Variants in ANKRD44 observed in about 807,000 individuals in gnomAD.
ANKRD44 encodes the protein ankyrin repeat domain 44.
In ANKRD44, 35 loss-of-function variants were observed where a neutral mutation model predicts 116.0. That is an observed-to-expected ratio of 0.30 (90% CI 0.23 to 0.40). The LOEUF is 0.40. ANKRD44 is among the 10% of genes least tolerant of loss of function. The probability of loss-of-function intolerance (pLI) is 1.00; values close to 1 mark genes in which losing one functional copy is unlikely to be tolerated. For missense variants in ANKRD44, 1,014 were observed against 1,242.6 expected (o/e 0.82, Z 2.77); for synonymous variants, 435 against 461.8 (o/e 0.94, Z 0.74).
chr2:197,146,985 A>C, intron 3 of ANKRD44, 42 bp downstream of exon 3: 1 of 1,581,306 alleles, frequency 6.3e-7, no homozygotes, highest in Non-Finnish European at 8.7e-7. Context: ...GGTTATTTAA[A>C]TTTTTATTTG....
At chr2:197,240,580 C>G (rs978550099) in intron 1 of ANKRD44, among the ~76,000 whole-genome samples, 3 of 150,962 alleles carry the variant, frequency 2.0e-5, no homozygotes, top group African/African-American at 7.3e-5. Flanking sequence ...AGAAAACCTC[C>G]ACAAAATTGC....
intron 6 of ANKRD44, among the ~76,000 whole-genome samples, chr2:197,124,816 T>C (rs1273962509): frequency 1.3e-5 from 2 of 152,168 alleles, no homozygotes; most frequent in African/African-American, 2.4e-5. Context: ...CCAACAAAAG[T>C]GAAAAGGAAA....
chr2:197,260,106 TAA>T (rs767993671), intron 1 of ANKRD44, among the ~76,000 whole-genome samples: 52 of 152,330 alleles, frequency 3.4e-4, no homozygotes, highest in Non-Finnish European at 5.6e-4. Flanking sequence ...TATTATACTT[TAA>T]GTTTTAGGGT....
chr2:197,262,186 G>C (rs567891970), intron 1 of ANKRD44, among the ~76,000 whole-genome samples: 2 of 152,278 alleles, frequency 1.3e-5, no homozygotes, highest in Admixed American at 1.3e-4. Flanking sequence ...AATCCAGACA[G>C]GAAGTAGCCA....
chr2:197,034,705 T>C (rs983189739), intron 16 of ANKRD44, among the ~76,000 whole-genome samples: 1 of 152,054 alleles, frequency 6.6e-6, no homozygotes, highest in Admixed American at 6.6e-5. Context: ...TTCTTCTCCA[T>C]AGCCTCCACC....
At chr2:197,125,230 C>T (rs2078948565) in intron 6 of ANKRD44, 151 bp downstream of exon 6, 4 of 672,666 alleles carry the variant, frequency 5.9e-6, no homozygotes, top group South Asian at 5.3e-5. Flanking sequence ...GTGCACTATG[C>T]ATGCCAGTAA....
intron 4 of ANKRD44, 87 bp from the exon 5 acceptor site, chr2:197,126,124 C>T: frequency 7.1e-7 from 1 of 1,402,354 alleles, no homozygotes; most frequent in Non-Finnish European, 1.0e-6. Flanking sequence ...AACCCTGGAA[C>T]TATGGAGAGA....
At chr2:197,248,940 T>C (rs931742707) in intron 1 of ANKRD44, among the ~76,000 whole-genome samples, 1 of 152,090 alleles carries the variant, frequency 6.6e-6, no homozygotes, top group African/African-American at 2.4e-5. Context: ...CTGTAATATA[T>C]AAGAAAAGTG....
intron 2 of ANKRD44, among the ~76,000 whole-genome samples, chr2:197,147,620 C>CT (rs898767261): frequency 6.6e-6 from 1 of 152,006 alleles, no homozygotes; most frequent in African/African-American, 2.4e-5. Context: ...GAAATACTTA[C>CT]TGAATGCTTA....
At chr2:197,105,581 C>T (rs553663703) in intron 9 of ANKRD44, among the ~76,000 whole-genome samples, 5 of 152,264 alleles carry the variant, frequency 3.3e-5, no homozygotes, top group Admixed American at 1.3e-4. Context: ...GTGGAGATCA[C>T]GGAATCTCTT....
chr2:197,006,312 G>A (rs552012495), intron 20 of ANKRD44, among the ~76,000 whole-genome samples: 5 of 152,248 alleles, frequency 3.3e-5, no homozygotes, highest in East Asian at 1.9e-4. Flanking sequence ...TGGCATGGTC[G>A]TGGGTCCCTG....
intron 17 of ANKRD44, among the ~76,000 whole-genome samples, chr2:197,020,811 T>C (rs1369490582): frequency 2.1e-5 from 3 of 144,958 alleles, no homozygotes; most frequent in South Asian, 2.1e-4. Flanking sequence ...TTTTTATTAT[T>C]ATTATACTTT....
chr2:197,083,597 G>A, intron 13 of ANKRD44, 88 bp from the exon 14 acceptor site: 2 of 1,444,202 alleles, frequency 1.4e-6, no homozygotes, highest in Non-Finnish European at 1.9e-6. Context: ...TATGCCTAGG[G>A]CATGGAAAGC....
At chr2:197,272,516 G>T (rs1040768441) in intron 1 of ANKRD44, among the ~76,000 whole-genome samples, 1 of 152,202 alleles carries the variant, frequency 6.6e-6, no homozygotes, top group African/African-American at 2.4e-5. Flanking sequence ...GATTACAGGC[G>T]TGAGCCAATG....
intron 25 of ANKRD44, 136 bp from the exon 26 acceptor site, chr2:196,995,597 A>AT (rs373921953): frequency 2.3e-5 from 14 of 614,324 alleles, no homozygotes; most frequent in South Asian, 9.6e-5. Flanking sequence ...TTTCTGAGTA[A>AT]TTTTTTTTCT....
rs67655796 is a variant in ANKRD44, at chr2:197,246,350, C to CTT, written c.28-59246_28-59245dup. ...TACAAGTATGCACCACTACATCTGG[C>CTT]TTTTTTTTTTTTTTTTTTTTTTTTT... On this transcript the variant is annotated intron_variant, in intron 1 of 27. Coordinates refer to ENST00000282272, the MANE Select transcript of ANKRD44 (RefSeq NM_001195144.2). Among the ~76,000 whole-genome samples the CTT allele has an allele frequency of 1.1e-3, 73 of 65,864 alleles. 17 individuals carry two copies. The East Asian group carries it at 0.028, about 25-fold the overall frequency. The allele number at this position is 65,864 out of a possible 152,430, so 43.2% of individuals were successfully genotyped here.
At chr2:197,094,935 G>A (rs1025862009) in intron 10 of ANKRD44, among the ~76,000 whole-genome samples, 3 of 152,146 alleles carry the variant, frequency 2.0e-5, no homozygotes, top group Non-Finnish European at 4.4e-5. Flanking sequence ...TGTCTAATCT[G>A]AATATTCTAG....
In ANKRD44 at chr2:197,305,967, T is replaced by TATA. The variant is rs2084057380; in HGVS notation, c.27+4610_27+4611insTAT. Reference sequence around the variant, plus strand: ...TTTCCTATAATGACCGCAGTTCGTTTTATATATATATATATATATATATAT... The same window carrying TATA: ...TTTCCTATAATGACCGCAGTTCGTTTATATATATATATATATATATATATATAT... On this transcript the variant is annotated intron_variant, in intron 1 of 27. Transcript: ENST00000282272. Among the ~76,000 whole-genome samples the TATA allele has an allele frequency of 7.8e-4, 97 of 124,736 alleles. 4 individuals are homozygous for TATA. Among genetic ancestry groups the TATA allele is most frequent in the African/African-American group, 3.3e-3 (90 of 27,538 alleles). 81.8% of individuals were successfully genotyped at this position (124,736 alleles called of 152,430 possible).
At position 197,177,769 on chromosome 2, in the gene ANKRD44, T is replaced by C. The variant is rs552769343; in HGVS notation, c.111+9254A>G. ...GAGAATATTCTTCTAGATTTCTTCTTCTATACCCACAAATACACATGATAT... is the reference window on the plus strand; with the variant it reads ...GAGAATATTCTTCTAGATTTCTTCTCCTATACCCACAAATACACATGATAT... On this transcript the variant is annotated intron_variant, in intron 2 of 27. Transcript: ENST00000282272. 2.0e-5 allele frequency among the ~76,000 whole-genome samples: 3 copies of C among 152,316 alleles called. No individual in the cohort carries two copies. In the East Asian group the frequency reaches 5.8e-4, roughly 29 times the overall value.
Sources: allele counts gnomAD v4.1 joint callset (sites outside exome capture counted in the v4.1 genomes callset), GRCh38; gene constraint gnomAD v4.1.1; transcripts MANE v1.5; gene names NCBI Gene and HGNC (gene_info 2026-07-23, HGNC 2026-07-21).